The following STAT4 variants were observed in gnomAD, a reference collection of about 807,000 sequenced individuals.
STAT4 encodes the protein signal transducer and activator of transcription 4.
A neutral mutation model predicts 110.5 loss-of-function variants in STAT4; 42 were observed. The observed-to-expected ratio is 0.38, with a 90% CI of 0.30 to 0.49. The LOEUF (loss-of-function observed/expected upper bound fraction) is 0.49, where lower values mean the gene tolerates loss of function less well. Ranked by LOEUF, STAT4 falls within the 20% of genes least tolerant of loss-of-function variation. STAT4 has a pLI of 0.95. For synonymous variants in STAT4, 284 were observed against 302.2 expected (o/e 0.94, Z 0.63); for missense variants, 632 against 887.9 (o/e 0.71, Z 3.66).
intron 14 of STAT4, among the ~76,000 whole-genome samples, chr2:191,049,990 G>A (rs1049809733): frequency 6.6e-6 from 1 of 152,214 alleles, no homozygotes; most frequent in African/African-American, 2.4e-5. Context: ...TGAGAACACT[G>A]AACCTTGAAA....
rs750278049 is a variant in STAT4, at chr2:191,058,795, AT to A, written c.1035-27del. ...CTGGAAAGAGATATCAATAAAAAAA[AT>A]CAAAGATAAAAATTAAAAGTGTTTA... On this transcript the variant is annotated intron_variant, in intron 10 of 23. Transcript: ENST00000392320. The surrounding 1 kb of genome is among the most constrained non-coding windows in gnomAD (Gnocchi z 4.3). The A allele has an allele frequency of 2.8e-5, 41 of 1,439,320 alleles. No individual in the cohort carries two copies. Among genetic ancestry groups the A allele is most frequent in the Middle Eastern group, 1.8e-4 (1 of 5,660 alleles). The allele number at this position is 1,439,320 out of a possible 1,614,324, so 89.2% of individuals were successfully genotyped here.
chr2:191,099,670 C>A lies in STAT4; in HGVS notation c.274-23345G>T, dbSNP rs1698102871. On this transcript the variant is annotated intron_variant, in intron 3 of 23. Coordinates refer to ENST00000392320, the MANE Select transcript of STAT4 (RefSeq NM_003151.4). This position sits in a 1 kb window ranked among gnomAD's most constrained non-coding sequence, Gnocchi z 4.1. Reference sequence around the variant, plus strand: ...AAATATCCACAAATTATATCTTTTCCATTTTTTTCCATTTTTATTTAATTA... The same window carrying A: ...AAATATCCACAAATTATATCTTTTCAATTTTTTTCCATTTTTATTTAATTA... Among the ~76,000 whole-genome samples the A allele has an allele frequency of 6.6e-6, 1 of 152,034 alleles. No individual in the cohort carries two copies. Among genetic ancestry groups the A allele is most frequent in the Admixed American group, 6.6e-5 (1 of 15,250 alleles).
chr2:191,120,344 G>T (rs1421647623), intron 3 of STAT4, among the ~76,000 whole-genome samples: 1 of 152,130 alleles, frequency 6.6e-6, no homozygotes, highest in Non-Finnish European at 1.5e-5. Flanking sequence ...TAGTAAAACA[G>T]AGACAGACAA....
chr2:191,058,798 A>G lies in STAT4; in HGVS notation c.1035-29T>C. 1 of 1,415,622 alleles carries G rather than the reference A, an allele frequency of 7.1e-7. No individual in the cohort carries two copies. The highest frequency in any genetic ancestry group is 9.8e-7 in the Non-Finnish European group (1 of 1,022,598). The allele number at this position is 1,415,622 out of a possible 1,614,324, so 87.7% of individuals were successfully genotyped here. ...GAAAGAGATATCAATAAAAAAAATC[A>G]AAGATAAAAATTAAAAGTGTTTAAA... On this transcript the variant is annotated intron_variant, in intron 10 of 23. Transcript: ENST00000392320. This position sits in a 1 kb window ranked among gnomAD's most constrained non-coding sequence, Gnocchi z 4.3.
Position 191,046,158 on chromosome 2 carries a change from C to T in STAT4, c.1252-5010G>A, listed in dbSNP as rs1374542958. 1.3e-5 allele frequency among the ~76,000 whole-genome samples: 2 copies of T among 152,330 alleles called. No homozygotes were observed. Among genetic ancestry groups the T allele is most frequent in the African/African-American group, 4.8e-5 (2 of 41,568 alleles). On this transcript the variant is annotated intron_variant, in intron 14 of 23. Coordinates refer to ENST00000392320, the MANE Select transcript of STAT4 (RefSeq NM_003151.4). This position sits in a 1 kb window ranked among gnomAD's most constrained non-coding sequence, Gnocchi z 4.6. Reference sequence around the variant, plus strand: ...TATCTCTGAGTTCAATGGTGCAGAACATTTGAGAGGCCTCAGGCAAGTGCA... The same window carrying T: ...TATCTCTGAGTTCAATGGTGCAGAATATTTGAGAGGCCTCAGGCAAGTGCA...
At position 191,090,922 on chromosome 2, in the gene STAT4, C is replaced by T. The variant is rs1697781366; in HGVS notation, c.274-14597G>A. On this transcript the variant is annotated intron_variant, in intron 3 of 23. Coordinates refer to ENST00000392320, the MANE Select transcript of STAT4 (RefSeq NM_003151.4). The surrounding 1 kb of genome is among the most constrained non-coding windows in gnomAD (Gnocchi z 4.2). ...TACTTCTTAAAGGTATCAAGTATGTCTTCTACAAGGTCTGAGTACATTTCC... is the reference window on the plus strand; with the variant it reads ...TACTTCTTAAAGGTATCAAGTATGTTTTCTACAAGGTCTGAGTACATTTCC... Among the ~76,000 whole-genome samples the T allele has an allele frequency of 6.6e-6, 1 of 152,110 alleles. No individual in the cohort carries two copies.
chr2:191,034,410 A>G (rs892329344), intron 18 of STAT4, 138 bp downstream of exon 18: 125 of 651,224 alleles, frequency 1.9e-4, no homozygotes, highest in Non-Finnish European at 2.5e-4. Context: ...GTGACAGAGC[A>G]AGACTCTATC....
At position 191,147,217 on chromosome 2, in the gene STAT4, G is replaced by A. The variant is rs1699485144; in HGVS notation, c.129-460C>T. On this transcript the variant is annotated intron_variant, in intron 2 of 23. Transcript: ENST00000392320. The surrounding 1 kb of genome is among the most constrained non-coding windows in gnomAD (Gnocchi z 4.1). ...ATTTGCATACCAATGTTCCTAGCAG[G>A]GTTATTAGCAATAGCCAAAATGTTT... Among the ~76,000 whole-genome samples, 1 of 152,054 alleles carries A rather than the reference G, an allele frequency of 6.6e-6. No homozygotes were observed. The highest frequency in any genetic ancestry group is 6.5e-5 in the Admixed American group (1 of 15,276).
At position 191,144,133 on chromosome 2, in the gene STAT4, G is replaced by T. The variant is rs188690692; in HGVS notation, c.273+2480C>A. Among the ~76,000 whole-genome samples the T allele has an allele frequency of 1.2e-3, 181 of 152,060 alleles. No individual in the cohort carries two copies. The highest frequency in any genetic ancestry group is 4.2e-3 in the African/African-American group (173 of 41,390). ...ACTAGAACCATATTGAGTACTGAGGGTGAGGGAGGGGGGTCAGAAAAGGAG... is the reference window on the plus strand; with the variant it reads ...ACTAGAACCATATTGAGTACTGAGGTTGAGGGAGGGGGGTCAGAAAAGGAG... On this transcript the variant is annotated intron_variant, in intron 3 of 23. Transcript: ENST00000392320. This position sits in a 1 kb window ranked among gnomAD's most constrained non-coding sequence, Gnocchi z 4.7.
chr2:191,073,055 G>T, intron 5 of STAT4, 43 bp downstream of exon 5: 1 of 1,532,800 alleles, frequency 6.5e-7, no homozygotes, highest in Non-Finnish European at 9.0e-7. Context: ...GTTATATGGG[G>T]ACAGTATCTA....
chr2:191,054,143 A>AT (rs1491247678), intron 14 of STAT4, among the ~76,000 whole-genome samples: 1 of 143,092 alleles, frequency 7.0e-6, no homozygotes, highest in African/African-American at 2.7e-5. Flanking sequence ...AAAAAAAAAA[A>AT]GAAAGAAAAA....
chr2:191,128,312 G>C (rs1007806857), intron 3 of STAT4, among the ~76,000 whole-genome samples: 2 of 152,110 alleles, frequency 1.3e-5, no homozygotes, highest in African/African-American at 4.8e-5. Flanking sequence ...TTCTTCTCAG[G>C]TCTCAGGTTG....
At chr2:191,063,391 C>G (rs1696901657) in intron 8 of STAT4, among the ~76,000 whole-genome samples, 1 of 152,192 alleles carries the variant, frequency 6.6e-6, no homozygotes, top group Admixed American at 6.5e-5. Flanking sequence ...TATATTTTTA[C>G]AAGTCCTAAG....
At chr2:191,045,315 CA>C (rs1329332062) in intron 14 of STAT4, among the ~76,000 whole-genome samples, 1 of 152,140 alleles carries the variant, frequency 6.6e-6, no homozygotes, top group Non-Finnish European at 1.5e-5. Context: ...GTAAGAAAAA[CA>C]GGATCTCTGA....
In STAT4 at chr2:191,033,240, G is replaced by T; in HGVS notation, c.1853-91C>A. On this transcript the variant is annotated intron_variant, in intron 20 of 23. Coordinates refer to ENST00000392320, the MANE Select transcript of STAT4 (RefSeq NM_003151.4). The surrounding 1 kb of genome is among the most constrained non-coding windows in gnomAD (Gnocchi z 6.9). Reference sequence around the variant, plus strand: ...CTGCCCACATTATCTTCATGCCACTGGAGTGACTTGTCAGTTCATGTCACT... The same window carrying T: ...CTGCCCACATTATCTTCATGCCACTTGAGTGACTTGTCAGTTCATGTCACT... The T allele has an allele frequency of 7.4e-7, 1 of 1,342,488 alleles. No individual in the cohort carries two copies. Among genetic ancestry groups the T allele is most frequent in the East Asian group, 2.4e-5 (1 of 41,932 alleles). 83.2% of individuals were successfully genotyped at this position (1,342,488 alleles called of 1,614,324 possible).
chr2:191,040,873 C>G (rs1696178243), intron 15 of STAT4, among the ~76,000 whole-genome samples, 192 bp downstream of exon 15: 2 of 152,156 alleles, frequency 1.3e-5, no homozygotes, highest in African/African-American at 4.8e-5. Context: ...TACCCACAAG[C>G]TTTTATCATA....
rs1317977025 is a variant in STAT4, at chr2:191,146,501, C to T, written c.273+112G>A. On this transcript the variant is annotated intron_variant, in intron 3 of 23. Transcript: ENST00000392320. The surrounding 1 kb of genome is among the most constrained non-coding windows in gnomAD (Gnocchi z 4.5). ...AAAATTTGTAAGTGGTAAGACAACT[C>T]AATTTTCCCCTAAATTTCATTTGAA... is the stretch of plus-strand genomic sequence containing the variant. 8 of 1,062,396 alleles carry T rather than the reference C, an allele frequency of 7.5e-6. No individual in the cohort carries two copies. Among genetic ancestry groups the T allele is most frequent in the Non-Finnish European group, 9.8e-6 (8 of 818,186 alleles). 65.8% of individuals were successfully genotyped at this position (1,062,396 alleles called of 1,614,324 possible). A position where few individuals can be genotyped will look rare whatever the true frequency, so the allele number is the denominator to read the frequency against.
At chr2:191,101,791 T>C (rs1468271612) in intron 3 of STAT4, among the ~76,000 whole-genome samples, 1 of 152,128 alleles carries the variant, frequency 6.6e-6, no homozygotes, top group African/African-American at 2.4e-5. Context: ...TTTATAGTAT[T>C]ACAATATTTG....
rs1699294066 is a variant in STAT4 at position 191,140,497 on chromosome 2, C to T, written c.273+6116G>A. On this transcript the variant is annotated intron_variant, in intron 3 of 23. Coordinates refer to ENST00000392320, the MANE Select transcript of STAT4 (RefSeq NM_003151.4). The surrounding 1 kb of genome is among the most constrained non-coding windows in gnomAD (Gnocchi z 4.4). ...TCAACAAACATGTAAAAATGCTCAA[C>T]ATCACTAATTGTCAGTAAAATACAA... is the stretch of plus-strand genomic sequence containing the variant. Among the ~76,000 whole-genome samples, 1 of 152,200 alleles carries T rather than the reference C, an allele frequency of 6.6e-6. No homozygotes were observed. The highest frequency in any genetic ancestry group is 2.4e-5 in the African/African-American group (1 of 41,458).
Sources: gnomAD v4.1 joint callset for allele counts (sites outside exome capture counted in the v4.1 genomes callset) on GRCh38, gnomAD v4.1.1 for gene constraint, Gnocchi (gnomAD v3.1) non-coding constraint, MANE v1.5 for transcripts, NCBI Gene and HGNC (gene_info 2026-07-23, HGNC 2026-07-21) for gene names.